FRMD1: variants seen among roughly 807,000 people sequenced by gnomAD.
FRMD1 encodes the protein FERM domain-containing protein 1.
A neutral mutation model predicts 54.9 loss-of-function variants in FRMD1; 51 were observed. The observed-to-expected ratio is 0.93, with a 90% confidence interval of 0.74 to 1.17. The LOEUF (loss-of-function observed/expected upper bound fraction) is 1.17, where lower values mean the gene tolerates loss of function less well. FRMD1 is among the 50% of genes most tolerant of loss of function. The probability of loss-of-function intolerance (pLI) is 0.00; values close to 1 mark genes in which losing one functional copy is unlikely to be tolerated. For missense variants in FRMD1, 729 were observed against 743.0 expected, an observed-to-expected ratio of 0.98 and a Z score of 0.22; for synonymous variants, 324 against 306.4, an observed-to-expected ratio of 1.06 and a Z score of -0.60.
At chr6:168,064,127 T>G (rs185057432) in intron 5 of FRMD1, among the ~76,000 whole-genome samples, 1 of 152,068 alleles carries the variant, frequency 6.6e-6, no homozygotes, top group Non-Finnish European at 1.5e-5. Flanking sequence ...GTGGAATCAC[T>G]GAGGGTGGAA....
chr6:168,067,855 A>C (rs1296761506), intron 2 of FRMD1, among the ~76,000 whole-genome samples: 1 of 152,058 alleles, frequency 6.6e-6, no homozygotes, highest in East Asian at 1.9e-4. Context: ...CAACCTCGTA[A>C]TCTCAGCAAT....
intron 1 of FRMD1, chr6:168,075,877 GTCCACATTTCC>G: frequency 4.2e-6 from 4 of 948,682 alleles, no homozygotes; most frequent in South Asian, 1.9e-5. Context: ...GGTGCCCGGT[GTCCACATTTCC>G]GGCGTCCCGT....
upstream of FRMD1, among the ~76,000 whole-genome samples, chr6:168,080,134 C>T (rs1011705112): frequency 3.9e-5 from 6 of 152,128 alleles, no homozygotes; most frequent in African/African-American, 1.4e-4. Context: ...AGGAAATTCG[C>T]ACTCCAGCCG....
In FRMD1 at chr6:168,059,132, C is replaced by A; in HGVS notation, c.1399G>T (p.Val467Leu). Residue 467 changes from valine (V) to leucine (L), a missense_variant, in exon 10 of 11, where the codon GTG becomes TTG. Coordinates refer to ENST00000283309, the MANE Select transcript of FRMD1 (RefSeq NM_024919.6). The surrounding 1 kb of genome is among the most constrained non-coding windows in gnomAD (Gnocchi z 4.4). ...CGTGGGGGGGACTCTACCTGGTGCA[C>A]GGCCTCGGCGCTCTGGCCTCTGGTC... ...VRTRGQSAEA[V>L]HQIQEMTAGV... 6.3e-7 allele frequency: 1 copy of A among 1,575,246 alleles called. No homozygotes were observed.
chr6:168,063,880 C>T (rs1799892111), intron 5 of FRMD1, 124 bp from the exon 6 acceptor site: 1 of 1,117,074 alleles, frequency 9.0e-7, no homozygotes, highest in South Asian at 1.7e-5. Context: ...TGGGCAGGGC[C>T]AGGGCCTGGC....
chr6:168,066,997 G>A (rs1307865230), intron 3 of FRMD1, 166 bp from the exon 4 acceptor site: 9 of 918,138 alleles, frequency 9.8e-6, no homozygotes, highest in Non-Finnish European at 1.2e-5. Flanking sequence ...TTTTCTACCC[G>A]GAGAACCCTG....
chr6:168,054,638 A>G lies in FRMD1; in HGVS notation c.*2459T>C, dbSNP rs1047135470. ...CAGTCGGTGTCCATTTTTCTGGAAA[A>G]TAGCCGTATTGCCTAAAAGACCTCT... On this transcript the variant is annotated 3_prime_UTR_variant, in exon 11 of 11. Transcript: ENST00000283309. 3 of 152,058 alleles carry G rather than the reference A, an allele frequency of 2.0e-5. No homozygotes were observed. Among genetic ancestry groups the G allele is most frequent in the Non-Finnish European group, 4.4e-5 (3 of 68,030 alleles). 9.4% of individuals were successfully genotyped at this position (152,058 alleles called of 1,614,324 possible). A position where few individuals can be genotyped will look rare whatever the true frequency, so the allele number is the denominator to read the frequency against.
intron 7 of FRMD1, chr6:168,062,692 G>A (rs765922283): frequency 1.0e-5 from 16 of 1,550,862 alleles, no homozygotes; most frequent in Admixed American, 2.0e-5. Flanking sequence ...GCTTCCCAAC[G>A]TGGGGCCAGG....
chr6:168,086,740 C>T (rs1800928559), intron 1 of FRMD1, among the ~76,000 whole-genome samples: 2 of 152,218 alleles, frequency 1.3e-5, no homozygotes, highest in South Asian at 4.1e-4. Context: ...CATCCCCATA[C>T]TGCTGTCCTT....
At chr6:168,057,661 G>C (rs1055627719) in intron 10 of FRMD1, 4 of 331,368 alleles carry the variant, frequency 1.2e-5, no homozygotes, top group Non-Finnish European at 2.2e-5. Context: ...TGTGGGCCTT[G>C]AACACTAGCT....
chr6:168,060,616 A>G, intron 9 of FRMD1, 145 bp downstream of exon 9: 1 of 758,724 alleles, frequency 1.3e-6, no homozygotes, highest in Non-Finnish European at 2.1e-6. Flanking sequence ...CCTGGGACTC[A>G]GGTCACAAGC....
upstream of FRMD1, among the ~76,000 whole-genome samples, chr6:168,082,210 A>AC (rs1800844337): frequency 6.6e-6 from 1 of 152,182 alleles, no homozygotes; most frequent in Non-Finnish European, 1.5e-5. Context: ...CCCTTTCTGC[A>AC]CGTCACAGAC....
upstream of FRMD1, among the ~76,000 whole-genome samples, chr6:168,082,340 C>T (rs988009854): frequency 1.3e-5 from 2 of 152,206 alleles, no homozygotes; most frequent in African/African-American, 4.8e-5. Context: ...TTGCTCCATG[C>T]TCAGCCTCCA....
intron 10 of FRMD1, chr6:168,057,730 G>T: frequency 4.6e-6 from 1 of 215,320 alleles, no homozygotes; most frequent in South Asian, 6.8e-5. Context: ...GAAACTGTCT[G>T]GGTTCAGAGG....
At chr6:168,063,462 G>C in intron 6 of FRMD1, 139 bp downstream of exon 6, 1 of 1,017,988 alleles carries the variant, frequency 9.8e-7, no homozygotes, top group South Asian at 1.9e-5. Context: ...CCCTGCCCCG[G>C]GGTCCTGGTC....
At chr6:168,089,161 G>T (rs1800973292) in intron 1 of FRMD1, among the ~76,000 whole-genome samples, 1 of 152,232 alleles carries the variant, frequency 6.6e-6, no homozygotes, top group Non-Finnish European at 1.5e-5. Context: ...CCGGGCACAG[G>T]TTCAAACCCA....
At chr6:168,078,537 C>A (rs1256434890) in intron 1 of FRMD1, among the ~76,000 whole-genome samples, 3 of 150,824 alleles carry the variant, frequency 2.0e-5, no homozygotes, top group African/African-American at 7.3e-5. Flanking sequence ...TGCTCACCCC[C>A]ACGGCCCTGC....
chr6:168,064,611 G>A (rs192658061), intron 5 of FRMD1, among the ~76,000 whole-genome samples: 1 of 152,348 alleles, frequency 6.6e-6, no homozygotes. Context: ...AGGCCACACA[G>A]CTGGCTGGGT....
At chr6:168,066,926 A>C (rs1327161652) in intron 3 of FRMD1, 95 bp from the exon 4 acceptor site, 1 of 1,492,432 alleles carries the variant, frequency 6.7e-7, no homozygotes. Context: ...ATTGCTTCAC[A>C]CTCAGCTTAA....
Sources: gnomAD v4.1 joint callset for allele counts (sites outside exome capture counted in the v4.1 genomes callset) on GRCh38, gnomAD v4.1.1 for gene constraint, Gnocchi (gnomAD v3.1) non-coding constraint, MANE v1.5 for transcripts, NCBI Gene and HGNC (gene_info 2026-07-23, HGNC 2026-07-21) for gene names.